ENOX1: variants seen among roughly 807,000 people sequenced by gnomAD.
The protein encoded by ENOX1 is candidate growth-related and time keeping constitutive hydroquinone (NADH) oxidase.
In ENOX1, 42 loss-of-function variants were observed where a neutral mutation model predicts 82.5. That is an observed-to-expected ratio of 0.51 (90% CI 0.40 to 0.66). The LOEUF (loss-of-function observed/expected upper bound fraction) is 0.66, where lower values mean the gene tolerates loss of function less well. Among genes scored for constraint, ENOX1 ranks in the 30% least tolerant of loss-of-function variants. The pLI is 0.00. For missense variants in ENOX1, 608 were observed against 811.6 expected, an observed-to-expected ratio of 0.75 and a Z score of 3.05; for synonymous variants, 271 against 282.2, an observed-to-expected ratio of 0.96 and a Z score of 0.40.
intron 2 of ENOX1, among the ~76,000 whole-genome samples, chr13:43,602,712 C>G (rs531575181): frequency 5.3e-5 from 8 of 151,672 alleles, no homozygotes; most frequent in Non-Finnish European, 1.2e-4. Flanking sequence ...GGGATAATAC[C>G]AAGGGTTTGA....
chr13:43,354,705 G>C (rs986186435), intron 8 of ENOX1, among the ~76,000 whole-genome samples: 2 of 152,118 alleles, frequency 1.3e-5, no homozygotes, highest in African/African-American at 4.8e-5. Context: ...TCCAGCAATA[G>C]CCTTCAGGGC....
At position 43,540,229 on chromosome 13, in the gene ENOX1, GA is replaced by G. The variant is rs1728903451; in HGVS notation, c.-218-56078del. On this transcript the variant is annotated intron_variant, in intron 2 of 16. Transcript: ENST00000690772. ...TGAACCAAGTATCAGATCTGGTTCA[GA>G]AAAACATAATTTGTTTTTTTCCCTA... is the stretch of plus-strand genomic sequence containing the variant. Among the ~76,000 whole-genome samples, 5 of 152,220 alleles carry G rather than the reference GA, an allele frequency of 3.3e-5. 1 individual carries two copies. The South Asian group carries it at 1.0e-3, about 32-fold the overall frequency.
intron 2 of ENOX1, among the ~76,000 whole-genome samples, chr13:43,605,150 G>T (rs529509226): frequency 7.9e-4 from 120 of 152,136 alleles, no homozygotes; most frequent in Non-Finnish European, 1.3e-3. Flanking sequence ...ACTGATGGAA[G>T]AAATTGAAGA....
At chr13:43,477,581 G>A (rs1210547259) in intron 3 of ENOX1, among the ~76,000 whole-genome samples, 1 of 152,154 alleles carries the variant, frequency 6.6e-6, no homozygotes, top group Admixed American at 6.5e-5. Context: ...GCAATGAGAA[G>A]TCAGTGGCAC....
intron 2 of ENOX1, among the ~76,000 whole-genome samples, chr13:43,554,980 C>T (rs1303512834): frequency 6.6e-6 from 1 of 152,140 alleles, no homozygotes; most frequent in Admixed American, 6.5e-5. Context: ...GATGAGAATA[C>T]TTTAAAGACA....
intron 13 of ENOX1, among the ~76,000 whole-genome samples, chr13:43,268,574 T>TA (rs984905994): frequency 1.3e-4 from 20 of 151,246 alleles, no homozygotes; most frequent in African/African-American, 2.2e-4. Flanking sequence ...CCCAAACCAT[T>TA]AAAAAAAAAT....
chr13:43,595,948 A>G (rs1244008366), intron 2 of ENOX1, among the ~76,000 whole-genome samples: 8 of 74,784 alleles, frequency 1.1e-4, no homozygotes, highest in Admixed American at 3.4e-4. Context: ...GCTCTTATTA[A>G]TTGTTTCTAA....
chr13:43,316,285 C>T (rs2047478008), intron 11 of ENOX1, among the ~76,000 whole-genome samples: 1 of 152,150 alleles, frequency 6.6e-6, no homozygotes. Flanking sequence ...CTGAATTTCA[C>T]CGAGGTGTGG....
chr13:43,464,489 G>A (rs985438320), intron 3 of ENOX1, among the ~76,000 whole-genome samples: 15 of 152,050 alleles, frequency 9.9e-5, no homozygotes, highest in African/African-American at 2.4e-5. Context: ...TGAGCAGTCA[G>A]GACTCAGGCC....
intron 11 of ENOX1, among the ~76,000 whole-genome samples, chr13:43,315,658 G>T (rs115531743): frequency 6.6e-6 from 1 of 152,182 alleles, no homozygotes; most frequent in Non-Finnish European, 1.5e-5. Flanking sequence ...GATACTAAGA[G>T]TGTCGATAAA....
chr13:43,257,035 G>A (rs956329240), intron 14 of ENOX1, among the ~76,000 whole-genome samples: 3 of 152,172 alleles, frequency 2.0e-5, no homozygotes, highest in South Asian at 2.1e-4. Flanking sequence ...AGGTGATTAC[G>A]TAAAGTGAAA....
intron 1 of ENOX1, among the ~76,000 whole-genome samples, chr13:43,781,055 G>T (rs776256990): frequency 6.6e-6 from 1 of 152,206 alleles, no homozygotes; most frequent in Non-Finnish European, 1.5e-5. Flanking sequence ...CCATACTTAG[G>T]ATGGCTGTAT....
chr13:43,233,352 T>A (rs1254846680), intron 15 of ENOX1, among the ~76,000 whole-genome samples: 1 of 152,184 alleles, frequency 6.6e-6, no homozygotes, highest in African/African-American at 2.4e-5. Context: ...AGAAAGTCCA[T>A]CAGAATGGTC....
At chr13:43,659,618 T>C (rs902781775) in intron 2 of ENOX1, among the ~76,000 whole-genome samples, 3 of 152,188 alleles carry the variant, frequency 2.0e-5, no homozygotes, top group African/African-American at 7.2e-5. Context: ...TCCTTGGCTG[T>C]CTGAGATATT....
intron 2 of ENOX1, among the ~76,000 whole-genome samples, chr13:43,650,981 T>C (rs1188412961): frequency 6.6e-6 from 1 of 152,168 alleles, no homozygotes; most frequent in Non-Finnish European, 1.5e-5. Flanking sequence ...GAGAGATCAG[T>C]GCACGTCTGA....
chr13:43,636,197 C>A (rs1319918027), intron 2 of ENOX1, among the ~76,000 whole-genome samples: 1 of 152,176 alleles, frequency 6.6e-6, no homozygotes, highest in Non-Finnish European at 1.5e-5. Flanking sequence ...GGGTCCCATG[C>A]TCATGGTCAC....
chr13:43,542,008 G>C (rs2078751376), intron 2 of ENOX1, among the ~76,000 whole-genome samples: 1 of 152,154 alleles, frequency 6.6e-6, no homozygotes, highest in South Asian at 2.1e-4. Flanking sequence ...CTCACTGTCG[G>C]GGGTTCCAGA....
chr13:43,754,118 AAG>A (rs1350129905), intron 1 of ENOX1, among the ~76,000 whole-genome samples: 15 of 146,810 alleles, frequency 1.0e-4, no homozygotes, highest in East Asian at 2.0e-4. Context: ...ATGTATACAT[AAG>A]TATACGTATA....
At chr13:43,354,776 T>C (rs940597185) in intron 8 of ENOX1, among the ~76,000 whole-genome samples, 1 of 152,256 alleles carries the variant, frequency 6.6e-6, no homozygotes, top group African/African-American at 2.4e-5. Flanking sequence ...GCAGCTTCTA[T>C]GCTGAATTCC....
Sources: allele counts gnomAD v4.1 joint callset (sites outside exome capture counted in the v4.1 genomes callset), GRCh38; gene constraint gnomAD v4.1.1; transcripts MANE v1.5; gene names NCBI Gene and HGNC (gene_info 2026-07-23, HGNC 2026-07-21).